TMEM71: variants seen among roughly 807,000 people sequenced by gnomAD.
TMEM71 encodes the protein transmembrane protein 71.
A neutral mutation model predicts 38.0 loss-of-function variants in TMEM71; 44 were observed. That is an observed-to-expected ratio of 1.16 (90% confidence interval 0.91 to 1.49). The LOEUF is 1.49. Among genes scored for constraint, TMEM71 ranks in the 40% most tolerant of loss-of-function variants. The pLI, the probability that TMEM71 is intolerant of heterozygous loss-of-function variation, is 0.00. For synonymous variants in TMEM71, 133 were observed against 122.5 expected (o/e 1.09, Z -0.56); for missense variants, 367 against 348.6 (o/e 1.05, Z -0.42).
chr8:132,772,043 TA>T, the TMEM71 span, among the ~76,000 whole-genome samples: 9 of 152,016 alleles, frequency 5.9e-5, no homozygotes, highest in South Asian at 2.1e-4. Flanking sequence ...AAACTAACCT[TA>T]AAAAAAACTT....
chr8:132,730,583 T>C (rs1827397343), intron 5 of TMEM71, among the ~76,000 whole-genome samples: 2 of 152,198 alleles, frequency 1.3e-5, no homozygotes, highest in Admixed American at 1.3e-4. Context: ...GCATGATGTT[T>C]GGAGAAATTG....
intron 2 of TMEM71, chr8:132,758,136 CTG>C (rs1432890119): frequency 1.3e-5 from 2 of 152,168 alleles, no homozygotes; most frequent in Non-Finnish European, 2.9e-5. Context: ...AGTATAAAGA[CTG>C]TGAGTATTCT....
rs1829179806 is a variant in TMEM71, at chr8:132,758,917, T to C, written c.-36-2A>G. On this transcript the variant is annotated splice_acceptor_variant, in intron 1 of 9. Coordinates refer to ENST00000677595, the MANE Select transcript of TMEM71 (RefSeq NM_001382403.1). LOFTEE classifies it low-confidence loss of function (5UTR_SPLICE). ...GCTTGCTCAAACTTCACAGATTCTC[T>C]GCAAAAGATGTTAAAAAAAAGGTGG... 1 of 1,594,882 alleles carries C rather than the reference T, an allele frequency of 6.3e-7. No homozygotes were observed. The highest frequency in any genetic ancestry group is 8.6e-7 in the Non-Finnish European group (1 of 1,163,424).
In TMEM71 at chr8:132,736,969, C is replaced by T. The variant is rs2131105491; in HGVS notation, c.488-8983G>A. Among the ~76,000 whole-genome samples the T allele has an allele frequency of 1.3e-5, 2 of 152,274 alleles. 1 individual carries two copies. The highest frequency in any genetic ancestry group is 4.8e-5 in the African/African-American group (2 of 41,546). On this transcript the variant is annotated intron_variant, in intron 5 of 9. Transcript: ENST00000677595. ...ACAGTGTGTACATATGTTGAAACAT[C>T]ACATTGCCCACTTCATCAACAACAC...
intron 3 of TMEM71, among the ~76,000 whole-genome samples, chr8:132,755,991 T>C (rs1345573963): frequency 4.6e-5 from 7 of 152,198 alleles, no homozygotes; most frequent in Non-Finnish European, 1.0e-4. Context: ...TCTTTCCACA[T>C]GTGCCTCTGT....
chr8:132,736,263 G>A (rs1436404293), intron 5 of TMEM71, among the ~76,000 whole-genome samples: 2 of 152,120 alleles, frequency 1.3e-5, no homozygotes, highest in Non-Finnish European at 2.9e-5. Context: ...GAAGACACTT[G>A]CCTTGTTGCT....
intron 4 of TMEM71, among the ~76,000 whole-genome samples, chr8:132,749,774 G>C (rs935348589): frequency 6.6e-6 from 1 of 152,102 alleles, no homozygotes; most frequent in South Asian, 2.1e-4. Context: ...CCAGCACTTT[G>C]GGAGTTTGAG....
At chr8:132,759,597 G>T (rs1291603771) in intron 1 of TMEM71, 1 of 152,128 alleles carries the variant, frequency 6.6e-6, no homozygotes, top group Non-Finnish European at 1.5e-5. Context: ...ATCATTTACT[G>T]TTCATCAAAT....
chr8:132,764,469 C>T (rs117010720), upstream of TMEM71, among the ~76,000 whole-genome samples: 302 of 152,296 alleles, frequency 2.0e-3, no homozygotes, highest in Non-Finnish European at 2.5e-3. Context: ...TGCCCTTGCT[C>T]CTCTCTCCTG....
chr8:132,729,105 G>T (rs1489742524), intron 5 of TMEM71, among the ~76,000 whole-genome samples: 1 of 152,208 alleles, frequency 6.6e-6, no homozygotes, highest in African/African-American at 2.4e-5. Context: ...AAGCATGCAT[G>T]CAACTTCAAG....
At chr8:132,758,693 G>A in intron 2 of TMEM71, 147 bp downstream of exon 2, 1 of 641,420 alleles carries the variant, frequency 1.6e-6, no homozygotes, top group Non-Finnish European at 2.8e-6. Flanking sequence ...TAAAATCATT[G>A]CCAAAGTGAA....
intron 5 of TMEM71, among the ~76,000 whole-genome samples, chr8:132,734,722 C>T (rs946411183): frequency 6.6e-5 from 10 of 152,186 alleles, no homozygotes; most frequent in Non-Finnish European, 1.3e-4. Flanking sequence ...CCCTAATTGA[C>T]AGTGAATTTT....
chr8:132,715,005 C>G (rs1019730008), intron 7 of TMEM71, among the ~76,000 whole-genome samples: 1 of 152,064 alleles, frequency 6.6e-6, no homozygotes, highest in African/African-American at 2.4e-5. Flanking sequence ...ATTAAAACAG[C>G]GAGATATCAC....
intron 4 of TMEM71, among the ~76,000 whole-genome samples, chr8:132,750,474 A>G (rs1828645119): frequency 6.6e-6 from 1 of 152,140 alleles, no homozygotes. Flanking sequence ...TGGAAAGAAC[A>G]TTTTTCTGTA....
intron 5 of TMEM71, among the ~76,000 whole-genome samples, chr8:132,740,132 C>T (rs565019781): frequency 6.6e-6 from 1 of 152,166 alleles, no homozygotes; most frequent in Non-Finnish European, 1.5e-5. Context: ...AATGACCCCA[C>T]AGCTCCCCTT....
chr8:132,710,940 T>G lies in TMEM71; in HGVS notation c.*27A>C. The G allele has an allele frequency of 6.2e-7, 1 of 1,606,120 alleles. No homozygotes were observed. The highest frequency in any genetic ancestry group is 8.5e-7 in the Non-Finnish European group (1 of 1,174,334). ...TTTCCAGATATTCAGATGGAGGACA[T>G]TCATCGAAGGCATTCCTAAATGGTT... On this transcript the variant is annotated 3_prime_UTR_variant, in exon 10 of 10. Transcript: ENST00000677595.
intron 5 of TMEM71, among the ~76,000 whole-genome samples, chr8:132,736,514 T>G (rs1477886950): frequency 6.6e-6 from 1 of 152,172 alleles, no homozygotes; most frequent in African/African-American, 2.4e-5. Context: ...GAGTTAATAA[T>G]AATGTGTTGT....
In TMEM71 at chr8:132,710,608, A is replaced by G. The variant is rs935569313; in HGVS notation, c.*359T>C. 2.1e-6 allele frequency: 1 copy of G among 474,908 alleles called. No homozygotes were observed. The highest frequency in any genetic ancestry group is 3.7e-6 in the Non-Finnish European group (1 of 273,596). The allele number at this position is 474,908 out of a possible 1,614,324, so 29.4% of individuals were successfully genotyped here. ...ATGTGGCAGACCCAGAAATCTGGTT[A>G]CAAGCTCCTCACAGAATTTCCTAAT... On this transcript the variant is annotated 3_prime_UTR_variant, in exon 10 of 10. Coordinates refer to ENST00000677595, the MANE Select transcript of TMEM71 (RefSeq NM_001382403.1).
chr8:132,732,371 G>C (rs112381562), intron 5 of TMEM71, among the ~76,000 whole-genome samples: 1 of 152,138 alleles, frequency 6.6e-6, no homozygotes, highest in Admixed American at 6.5e-5. Context: ...TGGGGATGGG[G>C]AGAAATTACA....
Sources: allele counts gnomAD v4.1 joint callset (sites outside exome capture counted in the v4.1 genomes callset), GRCh38; gene constraint gnomAD v4.1.1; transcripts MANE v1.5; gene names NCBI Gene and HGNC (gene_info 2026-07-23, HGNC 2026-07-21).